Variants in GRIP1 observed in about 807,000 individuals in gnomAD.
GRIP1 encodes the protein glutamate receptor-interacting protein 1.
GRIP1 carries 45 observed loss-of-function variants against 129.9 expected under a neutral mutation model. The observed-to-expected ratio is 0.35, with a 90% confidence interval of 0.27 to 0.44. The LOEUF (loss-of-function observed/expected upper bound fraction) is 0.44, where lower values mean the gene tolerates loss of function less well. GRIP1 is among the 20% of genes least tolerant of loss of function. The pLI is 1.00. For synonymous variants in GRIP1, 530 were observed against 520.8 expected (o/e 1.02, Z -0.24); for missense variants, 1,196 against 1,396.8 (o/e 0.86, Z 2.29).
At chr12:66,519,807 C>T (rs996337498) in intron 5 of GRIP1, among the ~76,000 whole-genome samples, 2 of 152,208 alleles carry the variant, frequency 1.3e-5, no homozygotes, top group Non-Finnish European at 2.9e-5. Flanking sequence ...TGTTAAATGA[C>T]TAGGCCCACC....
At chr12:66,431,162 G>A (rs1187755839) in intron 14 of GRIP1, among the ~76,000 whole-genome samples, 1 of 152,160 alleles carries the variant, frequency 6.6e-6, no homozygotes, top group East Asian at 1.9e-4. Context: ...ATTCTGATAC[G>A]CTTTCTTAAT....
intron 23 of GRIP1, among the ~76,000 whole-genome samples, chr12:66,368,005 G>C (rs779581440): frequency 4.6e-5 from 7 of 152,230 alleles, no homozygotes; most frequent in Non-Finnish European, 1.0e-4. Flanking sequence ...GGCTTGCCAA[G>C]ATCCCAGTGG....
chr12:66,932,060 A>G (rs1354909956), intron 1 of GRIP1, among the ~76,000 whole-genome samples: 1 of 152,118 alleles, frequency 6.6e-6, no homozygotes, highest in Admixed American at 6.5e-5. Flanking sequence ...ATAAGCCATT[A>G]AATATTTCCT....
chr12:66,971,450 A>G (rs900696049), intron 1 of GRIP1, among the ~76,000 whole-genome samples: 1 of 152,206 alleles, frequency 6.6e-6, no homozygotes, highest in African/African-American at 2.4e-5. Context: ...CTTAAGGAGA[A>G]TAATAGCATG....
At chr12:66,678,236 T>C (rs940669360) in intron 1 of GRIP1, among the ~76,000 whole-genome samples, 3 of 152,184 alleles carry the variant, frequency 2.0e-5, no homozygotes, top group Admixed American at 2.0e-4. Flanking sequence ...AATCTGAAGC[T>C]GGTAATTCTT....
intron 1 of GRIP1, among the ~76,000 whole-genome samples, chr12:66,711,532 T>C (rs1017820379): frequency 4.6e-5 from 7 of 151,856 alleles, no homozygotes; most frequent in Admixed American, 4.6e-4. Flanking sequence ...AAATTTACTG[T>C]GCTCTTAGAT....
At chr12:66,886,635 T>A (rs1278037165) in intron 1 of GRIP1, among the ~76,000 whole-genome samples, 2 of 152,096 alleles carry the variant, frequency 1.3e-5, no homozygotes, top group East Asian at 1.9e-4. Context: ...CATTCATCCA[T>A]CCTCTACCAA....
intron 1 of GRIP1, among the ~76,000 whole-genome samples, chr12:66,844,661 A>T (rs1156990207): frequency 1.3e-5 from 2 of 152,234 alleles, no homozygotes; most frequent in African/African-American, 4.8e-5. Flanking sequence ...TCCCATGTTC[A>T]CAGTAGCATT....
At chr12:66,457,898 G>C (rs1160339460) in intron 9 of GRIP1, among the ~76,000 whole-genome samples, 1 of 152,200 alleles carries the variant, frequency 6.6e-6, no homozygotes, top group Non-Finnish European at 1.5e-5. Context: ...TGGAGATCAT[G>C]AAATCATCTA....
At position 66,495,643 on chromosome 12, in the gene GRIP1, G is replaced by A. The variant is rs562955545; in HGVS notation, c.724+19976C>T. On this transcript the variant is annotated intron_variant, in intron 7 of 24. Coordinates refer to ENST00000359742, the MANE Select transcript of GRIP1 (RefSeq NM_001366722.1). ...ACTGACCAAACTAAAATTTACGTGAGCCCCCCACCCCCGTGCCCTCCCAAG... is the reference window on the plus strand; with the variant it reads ...ACTGACCAAACTAAAATTTACGTGAACCCCCCACCCCCGTGCCCTCCCAAG... Among the ~76,000 whole-genome samples, 22 of 152,134 alleles carry A rather than the reference G, an allele frequency of 1.4e-4. 1 individual carries two copies. Among genetic ancestry groups the A allele is most frequent in the African/African-American group, 5.1e-4 (21 of 41,508 alleles).
chr12:66,870,644 T>C (rs1283814720), intron 1 of GRIP1, among the ~76,000 whole-genome samples: 1 of 152,134 alleles, frequency 6.6e-6, no homozygotes, highest in African/African-American at 2.4e-5. Context: ...TCGCCAAATT[T>C]GAGCACGGAC....
rs933433049 is a variant in GRIP1, at chr12:67,035,983, G to A, written c.58+33067C>T. On this transcript the variant is annotated intron_variant, in intron 1 of 1. Coordinates refer to the GRIP1 transcript ENST00000643019. ...ACAGAATACATTCTAAAAAAGTATC[G>A]CTGAATAAATAAATCAGTTGCAACA... Among the ~76,000 whole-genome samples, 8 of 152,240 alleles carry A rather than the reference G, an allele frequency of 5.3e-5. No individual in the cohort carries two copies. The East Asian group carries it at 5.8e-4, about 11-fold the overall frequency.
intron 1 of GRIP1, among the ~76,000 whole-genome samples, chr12:66,765,425 T>C (rs941686344): frequency 2.6e-5 from 4 of 152,350 alleles, no homozygotes; most frequent in African/African-American, 9.6e-5. Flanking sequence ...AGAAAAGATC[T>C]TCTTCCTTTG....
chr12:66,878,971 G>A (rs968058606), intron 1 of GRIP1, among the ~76,000 whole-genome samples: 5 of 151,890 alleles, frequency 3.3e-5, no homozygotes, highest in Non-Finnish European at 5.9e-5. Context: ...TATGGACACT[G>A]ATTTGAGGGG....
At chr12:66,764,585 C>A (rs993175787) in intron 1 of GRIP1, among the ~76,000 whole-genome samples, 6 of 152,166 alleles carry the variant, frequency 3.9e-5, no homozygotes, top group African/African-American at 1.4e-4. Flanking sequence ...ATTACTGAAA[C>A]CCCATCTATG....
At chr12:67,035,608 T>C (rs1592497092) in intron 1 of GRIP1, 1 of 152,344 alleles carries the variant, frequency 6.6e-6, no homozygotes, top group South Asian at 2.1e-4. Context: ...GTGCTCATGA[T>C]GCGTTTGCAG....
At chr12:66,811,505 G>A (rs1317062631) in intron 1 of GRIP1, among the ~76,000 whole-genome samples, 4 of 151,176 alleles carry the variant, frequency 2.6e-5, no homozygotes, top group East Asian at 3.9e-4. Flanking sequence ...GAGACTTCAC[G>A]GAATCTATTT....
At chr12:66,732,767 CA>C (rs1428814582) in intron 1 of GRIP1, among the ~76,000 whole-genome samples, 14 of 152,046 alleles carry the variant, frequency 9.2e-5, no homozygotes, top group African/African-American at 3.4e-4. Context: ...AGGCTATTAG[CA>C]GTTAAGTTTT....
At chr12:66,528,690 G>A (rs1033217902) in intron 5 of GRIP1, among the ~76,000 whole-genome samples, 5 of 152,054 alleles carry the variant, frequency 3.3e-5, no homozygotes, top group Non-Finnish European at 5.9e-5. Context: ...AAATATAAAA[G>A]GAAAGACAAA....
Sources: gnomAD v4.1 joint callset for allele counts (sites outside exome capture counted in the v4.1 genomes callset) on GRCh38, gnomAD v4.1.1 for gene constraint, MANE v1.5 for transcripts, NCBI Gene and HGNC (gene_info 2026-07-23, HGNC 2026-07-21) for gene names.